The following GALNTL6 variants were observed in gnomAD, a reference collection of about 807,000 sequenced individuals.
The protein encoded by GALNTL6 is polypeptide N-acetylgalactosaminyltransferase like 6.
Under a neutral mutation model 73.7 loss-of-function variants are expected in GALNTL6, and 46 were observed. The observed-to-expected ratio is 0.62, with a 90% CI of 0.49 to 0.80. The LOEUF (loss-of-function observed/expected upper bound fraction) is 0.80, where lower values mean the gene tolerates loss of function less well. Among genes scored for constraint, GALNTL6 ranks in the 30% least tolerant of loss-of-function variants. The pLI, the probability that GALNTL6 is intolerant of heterozygous loss-of-function variation, is 0.00. For missense variants in GALNTL6, 604 were observed against 755.0 expected, an observed-to-expected ratio of 0.80 and a Z score of 2.34; for synonymous variants, 259 against 263.7, an observed-to-expected ratio of 0.98 and a Z score of 0.17.
chr4:172,913,346 G>A (rs1020030855), intron 8 of GALNTL6, among the ~76,000 whole-genome samples: 11 of 152,182 alleles, frequency 7.2e-5, no homozygotes, highest in African/African-American at 9.7e-5. Flanking sequence ...CCAAAGGATC[G>A]CAGCTCCTCG....
intron 2 of GALNTL6, among the ~76,000 whole-genome samples, chr4:171,925,902 T>C (rs1737964795): frequency 6.6e-6 from 1 of 152,130 alleles, no homozygotes; most frequent in East Asian, 1.9e-4. Flanking sequence ...TATATAGCTT[T>C]TTTAAAATAC....
At chr4:172,424,937 GT>G (rs1318826846) in intron 5 of GALNTL6, among the ~76,000 whole-genome samples, 9 of 152,066 alleles carry the variant, frequency 5.9e-5, no homozygotes, top group Non-Finnish European at 1.3e-4. Context: ...AAAGCCAGAT[GT>G]AGGGAATTCT....
intron 5 of GALNTL6, chr4:172,425,227 G>A (rs889399625): frequency 1.3e-5 from 2 of 151,998 alleles, no homozygotes; most frequent in Admixed American, 6.6e-5. Flanking sequence ...GATACGCTAT[G>A]GCACAAATCA....
At position 172,193,462 on chromosome 4, in the gene GALNTL6, C is replaced by T. The variant is rs114148398; in HGVS notation, c.139-36194C>T. 7.6e-3 allele frequency among the ~76,000 whole-genome samples: 1,157 copies of T among 152,218 alleles called. 20 individuals are homozygous for T. The highest frequency in any genetic ancestry group is 0.027 in the African/African-American group (1,102 of 41,540). On this transcript the variant is annotated intron_variant, in intron 2 of 12. Transcript: ENST00000506823. Reference sequence around the variant, plus strand: ...AAGGGCCTTACTGTTAAAAGAAAAACAAACCAAAAGCAACAACAACAACAA... The same window carrying T: ...AAGGGCCTTACTGTTAAAAGAAAAATAAACCAAAAGCAACAACAACAACAA...
intron 2 of GALNTL6, among the ~76,000 whole-genome samples, chr4:171,833,874 A>C (rs188661741): frequency 1.3e-5 from 2 of 151,936 alleles, no homozygotes; most frequent in East Asian, 3.9e-4. Flanking sequence ...AATTATCTTC[A>C]TCTTTTTTAA....
chr4:172,278,398 A>G (rs1277168756), intron 3 of GALNTL6, among the ~76,000 whole-genome samples: 1 of 152,198 alleles, frequency 6.6e-6, no homozygotes, highest in African/African-American at 2.4e-5. Flanking sequence ...GCTTTAAAAT[A>G]TCTATCCTGT....
At chr4:171,871,490 A>G (rs759311615) in intron 2 of GALNTL6, among the ~76,000 whole-genome samples, 2 of 152,070 alleles carry the variant, frequency 1.3e-5, no homozygotes, top group Non-Finnish European at 2.9e-5. Flanking sequence ...TCTTTTGACC[A>G]TTCCCCCCAC....
chr4:172,481,925 A>C (rs936653762), intron 5 of GALNTL6, among the ~76,000 whole-genome samples: 2 of 152,190 alleles, frequency 1.3e-5, no homozygotes, highest in Admixed American at 6.5e-5. Context: ...ACTGAGCGTC[A>C]GGGAGCAGGG....
At chr4:172,639,103 A>C (rs914479186) in intron 5 of GALNTL6, among the ~76,000 whole-genome samples, 1 of 152,158 alleles carries the variant, frequency 6.6e-6, no homozygotes, top group Non-Finnish European at 1.5e-5. Flanking sequence ...TCTCCACTGC[A>C]AAGTTAGTTT....
intron 2 of GALNTL6, among the ~76,000 whole-genome samples, chr4:172,135,151 T>C (rs775538332): frequency 1.3e-5 from 2 of 152,214 alleles, no homozygotes; most frequent in Non-Finnish European, 2.9e-5. Flanking sequence ...TTTATAACAA[T>C]AATTATAACT....
At chr4:172,157,595 T>C (rs924900938) in intron 2 of GALNTL6, among the ~76,000 whole-genome samples, 1 of 152,192 alleles carries the variant, frequency 6.6e-6, no homozygotes, top group African/African-American at 2.4e-5. Context: ...CTTGTTTCCC[T>C]GTAATCAATT....
At chr4:171,983,163 G>A (rs187703209) in intron 2 of GALNTL6, among the ~76,000 whole-genome samples, 25 of 152,248 alleles carry the variant, frequency 1.6e-4, no homozygotes, top group South Asian at 8.3e-4. Flanking sequence ...GCCTGCCTTA[G>A]TCACGTTTTG....
At chr4:172,115,357 A>C (rs561794937) in intron 2 of GALNTL6, among the ~76,000 whole-genome samples, 2 of 152,286 alleles carry the variant, frequency 1.3e-5, no homozygotes, top group East Asian at 3.9e-4. Context: ...AAGTTATTGA[A>C]ATAATTTTGA....
At chr4:171,936,102 C>A (rs985786953) in intron 2 of GALNTL6, among the ~76,000 whole-genome samples, 16 of 152,146 alleles carry the variant, frequency 1.1e-4, no homozygotes, top group African/African-American at 2.9e-4. Flanking sequence ...CAGTTTCCTA[C>A]ATTAGTAAGG....
chr4:172,342,052 C>T (rs1741586090), intron 4 of GALNTL6, among the ~76,000 whole-genome samples: 1 of 152,014 alleles, frequency 6.6e-6, no homozygotes, highest in African/African-American at 2.4e-5. Flanking sequence ...TTTTAGCCAC[C>T]TGATAATATA....
intron 5 of GALNTL6, among the ~76,000 whole-genome samples, chr4:172,669,943 G>A (rs1489009920): frequency 6.6e-6 from 1 of 152,086 alleles, no homozygotes; most frequent in Non-Finnish European, 1.5e-5. Context: ...TTCTGTATTA[G>A]TTTTCTTCTA....
intron 2 of GALNTL6, among the ~76,000 whole-genome samples, chr4:172,044,962 A>G (rs1232970726): frequency 6.6e-6 from 1 of 152,024 alleles, no homozygotes; most frequent in Non-Finnish European, 1.5e-5. Flanking sequence ...TTATTGGATG[A>G]AAAAAATGTA....
At chr4:172,930,087 G>A (rs934681850) in intron 8 of GALNTL6, among the ~76,000 whole-genome samples, 1 of 152,080 alleles carries the variant, frequency 6.6e-6, no homozygotes, top group African/African-American at 2.4e-5. Context: ...GACCAGCCTG[G>A]CCAACATGGT....
chr4:172,416,724 A>C (rs1364079601), intron 5 of GALNTL6, among the ~76,000 whole-genome samples: 1 of 152,154 alleles, frequency 6.6e-6, no homozygotes, highest in Non-Finnish European at 1.5e-5. Context: ...GAATATTTTA[A>C]TTAAGTTAAT....
Sources: gnomAD v4.1 joint callset for allele counts (sites outside exome capture counted in the v4.1 genomes callset) on GRCh38, gnomAD v4.1.1 for gene constraint, MANE v1.5 for transcripts, NCBI Gene and HGNC (gene_info 2026-07-23, HGNC 2026-07-21) for gene names.